The following TAF1B variants were observed in gnomAD, a reference collection of about 807,000 sequenced individuals.
The protein encoded by TAF1B is TATA box-binding protein-associated factor RNA polymerase I subunit B.
A neutral mutation model predicts 83.9 loss-of-function variants in TAF1B; 61 were observed. The ratio of observed to expected loss-of-function variants is 0.73; its 90% CI spans 0.59 to 0.90. TAF1B has a LOEUF of 0.90. TAF1B is among the 40% of genes least tolerant of loss of function. The probability of loss-of-function intolerance (pLI) is 0.00; values close to 1 mark genes in which losing one functional copy is unlikely to be tolerated. For synonymous variants in TAF1B, 221 were observed against 224.6 expected (o/e 0.98, Z 0.14); for missense variants, 625 against 677.0 (o/e 0.92, Z 0.85).
chr2:9,898,083 TG>T (rs1156260511), intron 8 of TAF1B, among the ~76,000 whole-genome samples: 4 of 150,474 alleles, frequency 2.7e-5, no homozygotes, highest in Admixed American at 6.6e-5. Flanking sequence ...CACTTCCTCC[TG>T]TCTACAAGAA....
Position 9,854,433 on chromosome 2 carries a change from G to A in TAF1B, c.399+12G>A, listed in dbSNP as rs1259279270. On this transcript the variant is annotated intron_variant, in intron 5 of 14. Transcript: ENST00000263663. ...GAAGGAAACCTACGGTAAGTCACAA[G>A]TCTGAAAAGTTGGATTAAAAAACAT... The A allele has an allele frequency of 2.5e-6, 4 of 1,601,092 alleles. No homozygotes were observed. Among genetic ancestry groups the A allele is most frequent in the South Asian group, 1.1e-5 (1 of 90,800 alleles).
intron 2 of TAF1B, among the ~76,000 whole-genome samples, chr2:9,848,166 T>G (rs996948646): frequency 5.9e-5 from 9 of 152,208 alleles, no homozygotes; most frequent in Non-Finnish European, 1.0e-4. Context: ...TCTTATGTTT[T>G]CAGTGTGGCC....
chr2:9,888,221 A>G (rs974755620), intron 8 of TAF1B, among the ~76,000 whole-genome samples: 1 of 152,126 alleles, frequency 6.6e-6, no homozygotes, highest in Admixed American at 6.5e-5. Context: ...CATTACTTGT[A>G]TAGAGTAAGA....
chr2:9,859,864 A>C (rs1192632602), intron 5 of TAF1B, among the ~76,000 whole-genome samples: 2 of 152,062 alleles, frequency 1.3e-5, no homozygotes, highest in Non-Finnish European at 2.9e-5. Flanking sequence ...CCTGGTACCA[A>C]TTTCCTGTAT....
At chr2:9,882,362 T>C (rs1182851140) in intron 7 of TAF1B, among the ~76,000 whole-genome samples, 2 of 152,160 alleles carry the variant, frequency 1.3e-5, no homozygotes, top group African/African-American at 4.8e-5. Context: ...CCTCCCAAAG[T>C]GCTGGGATTA....
intron 14 of TAF1B, among the ~76,000 whole-genome samples, chr2:9,931,367 T>C (rs571345869): frequency 1.4e-4 from 21 of 152,328 alleles, no homozygotes; most frequent in African/African-American, 4.6e-4. Flanking sequence ...GGCCTGGTGG[T>C]GACAGAATCT....
intron 8 of TAF1B, among the ~76,000 whole-genome samples, chr2:9,887,186 G>A (rs971620100): frequency 6.6e-6 from 1 of 151,268 alleles, no homozygotes; most frequent in African/African-American, 2.4e-5. Flanking sequence ...TATTTTCTCA[G>A]TATTGTATCA....
intron 1 of TAF1B, 80 bp from the exon 2 acceptor site, chr2:9,845,140 T>G: frequency 1.0e-6 from 1 of 989,976 alleles, no homozygotes; most frequent in Non-Finnish European, 1.5e-6. Flanking sequence ...AGGAACCCAT[T>G]AAATAGAACT....
chr2:9,859,003 G>A (rs1004451749), intron 5 of TAF1B, among the ~76,000 whole-genome samples: 30 of 152,114 alleles, frequency 2.0e-4, no homozygotes, highest in Admixed American at 1.3e-3. Flanking sequence ...TTCTATAGCC[G>A]GCTTGAATTT....
rs191813150 is a variant in TAF1B, at chr2:9,890,303, A to G, written c.807+7498A>G. On this transcript the variant is annotated intron_variant, in intron 8 of 14. Coordinates refer to ENST00000263663, the MANE Select transcript of TAF1B (RefSeq NM_005680.3). The stretch of plus-strand genomic sequence containing the variant: ...TATTTTTTCCAGTTCTCTGTTGGAT[A>G]CGGTGGAAGCTCAGTTCCCATGGTT... 7.2e-3 allele frequency among the ~76,000 whole-genome samples: 1,103 copies of G among 152,312 alleles called. 7 individuals are homozygous for G. Among genetic ancestry groups the G allele is most frequent in the Non-Finnish European group, 0.012 (786 of 68,032 alleles).
intron 4 of TAF1B, 85 bp from the exon 5 acceptor site, chr2:9,854,241 G>T: frequency 2.2e-6 from 2 of 908,456 alleles, no homozygotes; most frequent in South Asian, 1.5e-5. Context: ...AATATTTAAA[G>T]TACAAGAGAG....
At chr2:9,851,203 CTT>C (rs916143761) in intron 3 of TAF1B, among the ~76,000 whole-genome samples, 2 of 151,856 alleles carry the variant, frequency 1.3e-5, no homozygotes, top group African/African-American at 4.8e-5. Flanking sequence ...ACTCGTTTCA[CTT>C]TTTTTTAACA....
At chr2:9,860,671 G>A (rs1663724198) in intron 5 of TAF1B, among the ~76,000 whole-genome samples, 1 of 152,160 alleles carries the variant, frequency 6.6e-6, no homozygotes, top group Admixed American at 6.6e-5. Context: ...TGAAGTAAGA[G>A]GACAGCTGAG....
At chr2:9,930,065 C>G (rs1173497593) in intron 14 of TAF1B, among the ~76,000 whole-genome samples, 1 of 152,076 alleles carries the variant, frequency 6.6e-6, no homozygotes, top group Non-Finnish European at 1.5e-5. Flanking sequence ...TGATTCTTCT[C>G]TTTTCTTCTT....
At chr2:9,877,601 T>A (rs1387946901) in intron 7 of TAF1B, among the ~76,000 whole-genome samples, 6 of 152,122 alleles carry the variant, frequency 3.9e-5, no homozygotes. Flanking sequence ...TTCTATCCAT[T>A]TTCCTCCTGA....
At chr2:9,860,145 A>G (rs891953681) in intron 5 of TAF1B, among the ~76,000 whole-genome samples, 2 of 152,194 alleles carry the variant, frequency 1.3e-5, no homozygotes, top group East Asian at 1.9e-4. Flanking sequence ...CCCATGATCC[A>G]GTCACCTCCC....
At chr2:9,918,983 A>G (rs1665784524) in intron 12 of TAF1B, 58 bp from the exon 13 acceptor site, 2 of 1,377,436 alleles carry the variant, frequency 1.5e-6, no homozygotes, top group East Asian at 2.3e-5. Context: ...GCTTCAGACA[A>G]TGTGTTTATG....
intron 1 of TAF1B, among the ~76,000 whole-genome samples, chr2:9,844,002 G>A (rs1663114604): frequency 1.3e-5 from 2 of 152,112 alleles, no homozygotes; most frequent in South Asian, 4.2e-4. Context: ...CTCCAGCAGG[G>A]ATTCTAAATT....
In TAF1B at chr2:9,934,168, G is replaced by A. The variant is rs1666304890; in HGVS notation, c.*184G>A. On this transcript the variant is annotated 3_prime_UTR_variant, in exon 15 of 15. Coordinates refer to ENST00000263663, the MANE Select transcript of TAF1B (RefSeq NM_005680.3). ...ATTGTAAAGCAGGTGAGCTTCATTT[G>A]ATTTTATTTTTCAGAGTATGAACAT... The A allele has an allele frequency of 3.8e-6, 2 of 519,560 alleles. No homozygotes were observed. Among genetic ancestry groups the A allele is most frequent in the East Asian group, 3.2e-5 (1 of 31,590 alleles). The allele number at this position is 519,560 out of a possible 1,614,324, so 32.2% of individuals were successfully genotyped here. A position where few individuals can be genotyped will look rare whatever the true frequency, so the allele number is the denominator to read the frequency against.
Sources: gnomAD v4.1 joint callset for allele counts (sites outside exome capture counted in the v4.1 genomes callset) on GRCh38, gnomAD v4.1.1 for gene constraint, MANE v1.5 for transcripts, NCBI Gene and HGNC (gene_info 2026-07-23, HGNC 2026-07-21) for gene names.